The following DDX60 variants were observed in gnomAD, a reference collection of about 807,000 sequenced individuals.
The protein encoded by DDX60 is probable ATP-dependent RNA helicase DDX60.
A neutral mutation model predicts 212.8 loss-of-function variants in DDX60; 165 were observed. That is an observed-to-expected ratio of 0.78 (90% confidence interval 0.68 to 0.88). The LOEUF (loss-of-function observed/expected upper bound fraction) is 0.88, where lower values mean the gene tolerates loss of function less well. DDX60 is among the 40% of genes least tolerant of loss of function. The probability of loss-of-function intolerance (pLI) is 0.00; values close to 1 mark genes in which losing one functional copy is unlikely to be tolerated. For missense variants in DDX60, 1,905 were observed against 2,003.9 expected (o/e 0.95, Z 0.94); for synonymous variants, 703 against 685.3 (o/e 1.03, Z -0.40).
chr4:168,275,507 C>A lies in DDX60; in HGVS notation c.2146-4G>T. The A allele has an allele frequency of 1.1e-5, 18 of 1,586,970 alleles. No individual in the cohort carries two copies. Among genetic ancestry groups the A allele is most frequent in the Non-Finnish European group, 1.5e-5 (18 of 1,167,460 alleles). ...CTTTTACATCATTTTCTGCATCCTG[C>A]ATTATTTTAAAAGTCCATTTTGAAA... is the stretch of plus-strand genomic sequence containing the variant. On this transcript the variant is annotated splice_region_variant and splice_polypyrimidine_tract_variant and intron_variant, in intron 15 of 37. Coordinates refer to ENST00000393743, the MANE Select transcript of DDX60 (RefSeq NM_017631.6).
chr4:168,221,555 G>T (rs868347156), intron 36 of DDX60, among the ~76,000 whole-genome samples, 175 bp downstream of exon 36: 1 of 151,720 alleles, frequency 6.6e-6, no homozygotes, highest in African/African-American at 2.4e-5. Flanking sequence ...AAATAATACC[G>T]AATTGTTATT....
chr4:168,217,871 T>C (rs1732905195), intron 37 of DDX60, among the ~76,000 whole-genome samples: 1 of 152,160 alleles, frequency 6.6e-6, no homozygotes, highest in East Asian at 1.9e-4. Context: ...TGCTGACAAC[T>C]GGATTGAGCC....
intron 26 of DDX60, among the ~76,000 whole-genome samples, chr4:168,255,076 CA>C (rs946458347): frequency 4.0e-5 from 6 of 151,180 alleles, no homozygotes; most frequent in East Asian, 1.9e-4. Flanking sequence ...CTCTCAAGTC[CA>C]AAAAAAACAC....
chr4:168,237,869 A>G (rs1300328653), intron 30 of DDX60, 74 bp from the exon 31 acceptor site: 4 of 1,090,336 alleles, frequency 3.7e-6, no homozygotes, highest in Non-Finnish European at 2.6e-6. Context: ...ATAATAAATG[A>G]TAGATCAATA....
intron 6 of DDX60, among the ~76,000 whole-genome samples, chr4:168,297,269 A>AAAAG (rs201088223): frequency 4.3e-5 from 6 of 138,350 alleles, no homozygotes; most frequent in South Asian, 2.2e-4. Flanking sequence ...GAAAGAAAGA[A>AAAAG]AAAGAAAGAA....
chr4:168,271,607 C>T (rs1560844349), intron 19 of DDX60, among the ~76,000 whole-genome samples: 1 of 152,216 alleles, frequency 6.6e-6, no homozygotes, highest in Non-Finnish European at 1.5e-5. Flanking sequence ...TTGAAAAATA[C>T]ACTTCTTGAA....
At chr4:168,299,157 C>CAAAAAAAAAAAAAAAA (rs1197872492) in intron 6 of DDX60, among the ~76,000 whole-genome samples, 2 of 61,936 alleles carry the variant, frequency 3.2e-5, no homozygotes, top group African/African-American at 6.2e-5. Context: ...GAGACTGTCT[C>CAAAAAAAAAAAAAAAA]AAAAAAAAAA....
chr4:168,227,845 C>G (rs72971450), intron 33 of DDX60, among the ~76,000 whole-genome samples: 105 of 151,994 alleles, frequency 6.9e-4, no homozygotes, highest in Admixed American at 1.6e-3. Context: ...AATTTTTTAA[C>G]TTTTCACGCA....
At position 168,308,281 on chromosome 4, in the gene DDX60, T is replaced by C. The variant is rs1251373446; in HGVS notation, c.75-86A>G. 7 of 760,612 alleles carry C rather than the reference T, an allele frequency of 9.2e-6. No homozygotes were observed. In the South Asian group the frequency reaches 1.0e-4, roughly 11 times the overall value. The allele number at this position is 760,612 out of a possible 1,614,324, so 47.1% of individuals were successfully genotyped here. On this transcript the variant is annotated intron_variant, in intron 3 of 37. Coordinates refer to ENST00000393743, the MANE Select transcript of DDX60 (RefSeq NM_017631.6). ...CATCGTTCTTATTAGCTCATTATCATTATCATCAATAGCTAAATTTGCTGA... is the reference window on the plus strand; with the variant it reads ...CATCGTTCTTATTAGCTCATTATCACTATCATCAATAGCTAAATTTGCTGA...
chr4:168,280,626 T>C (rs749287232), intron 13 of DDX60, 36 bp from the exon 14 acceptor site: 1 of 1,564,904 alleles, frequency 6.4e-7, no homozygotes, highest in Non-Finnish European at 8.6e-7. Flanking sequence ...TAAGACAAGT[T>C]GAAAATATTC....
At chr4:168,303,181 A>G (rs1050222313) in intron 5 of DDX60, among the ~76,000 whole-genome samples, 2 of 152,050 alleles carry the variant, frequency 1.3e-5, no homozygotes, top group African/African-American at 4.8e-5. Flanking sequence ...AGGTGCCTGT[A>G]GTCCCAGCTG....
rs1338312459 is a variant in DDX60, at chr4:168,306,243, C to T, written c.606+136G>A. The T allele has an allele frequency of 7.1e-6, 4 of 561,634 alleles. No individual in the cohort carries two copies. The East Asian group carries it at 1.1e-4, about 16-fold the overall frequency. 34.8% of individuals were successfully genotyped at this position (561,634 alleles called of 1,614,324 possible). On this transcript the variant is annotated intron_variant, in intron 5 of 37. Transcript: ENST00000393743. ...ACTGCATTTGCATTATCATTATTTACTTAATATTATTAATTGTTATACCTA... is the reference window on the plus strand; with the variant it reads ...ACTGCATTTGCATTATCATTATTTATTTAATATTATTAATTGTTATACCTA...
chr4:168,229,296 A>G (rs1460861948), intron 33 of DDX60, among the ~76,000 whole-genome samples: 1 of 152,168 alleles, frequency 6.6e-6, no homozygotes, highest in East Asian at 1.9e-4. Context: ...AGACAAATTT[A>G]GAGAGCCAAG....
intron 14 of DDX60, among the ~76,000 whole-genome samples, chr4:168,280,111 T>C (rs1380642867): frequency 3.7e-4 from 57 of 152,132 alleles, no homozygotes; most frequent in Non-Finnish European, 2.9e-5. Context: ...GAAAAAACAA[T>C]ATACATGGCA....
intron 18 of DDX60, among the ~76,000 whole-genome samples, chr4:168,272,947 GA>G (rs1735167243): frequency 6.6e-6 from 1 of 152,152 alleles, no homozygotes. Flanking sequence ...TACTTATGAA[GA>G]AAAAGTAATT....
intron 30 of DDX60, among the ~76,000 whole-genome samples, chr4:168,239,535 A>G (rs1055864676): frequency 6.6e-6 from 1 of 152,190 alleles, no homozygotes; most frequent in African/African-American, 2.4e-5. Flanking sequence ...TAACTGAATA[A>G]GGAACATTGT....
Position 168,237,372 on chromosome 4 carries a change from A to C in DDX60, c.4325T>G (p.Leu1442Trp). The part of the protein sequence containing the change: ...PMGFAGLVSH[L>W]HYHEPSNLVF... Reference sequence around the variant, plus strand: ...AAGATTAGAAGGTTCATGATAATGCAAATGTGATACAAGTCCAGCAAACCC... The same window carrying C: ...AAGATTAGAAGGTTCATGATAATGCCAATGTGATACAAGTCCAGCAAACCC... The change falls in exon 32 of 38, where the codon TTG (leucine) becomes TGG (tryptophan). Residue 1442 changes from leucine (L) to tryptophan (W), a missense_variant. Transcript: ENST00000393743. 6.2e-7 allele frequency: 1 copy of C among 1,600,544 alleles called. No individual in the cohort carries two copies. Among genetic ancestry groups the C allele is most frequent in the Non-Finnish European group, 8.5e-7 (1 of 1,173,776 alleles).
chr4:168,325,044 A>T, the DDX60 span, among the ~76,000 whole-genome samples: 4 of 152,242 alleles, frequency 2.6e-5, no homozygotes, highest in African/African-American at 7.2e-5. Context: ...AGATTTTTTT[A>T]AAAAACAAAT....
chr4:168,242,904 C>A (rs957942783), intron 30 of DDX60, among the ~76,000 whole-genome samples: 3 of 152,124 alleles, frequency 2.0e-5, no homozygotes, highest in African/African-American at 7.2e-5. Flanking sequence ...TCCCACAATT[C>A]CCATGGGTTG....
Sources: allele counts gnomAD v4.1 joint callset (sites outside exome capture counted in the v4.1 genomes callset), GRCh38; gene constraint gnomAD v4.1.1; transcripts MANE v1.5; gene names NCBI Gene and HGNC (gene_info 2026-07-23, HGNC 2026-07-21).